ERC2: variants seen among roughly 807,000 people sequenced by gnomAD.
The protein encoded by ERC2 is ELKS/RAB6-interacting/CAST family member 2.
In ERC2, 42 loss-of-function variants were observed where a neutral mutation model predicts 114.8. The ratio of observed to expected loss-of-function variants is 0.37; its 90% CI spans 0.29 to 0.47. The LOEUF is 0.47. Among genes scored for constraint, ERC2 ranks in the 20% least tolerant of loss-of-function variants. The probability of loss-of-function intolerance (pLI) is 0.99; values close to 1 mark genes in which losing one functional copy is unlikely to be tolerated. For missense variants in ERC2, 939 were observed against 1,150.7 expected, an observed-to-expected ratio of 0.82 and a Z score of 2.66; for synonymous variants, 454 against 425.5, an observed-to-expected ratio of 1.07 and a Z score of -0.82.
intron 2 of ERC2, among the ~76,000 whole-genome samples, chr3:56,417,840 A>G (rs1285524013): frequency 6.6e-5 from 10 of 152,236 alleles, no homozygotes; most frequent in Non-Finnish European, 1.2e-4. Flanking sequence ...GGCAAAAACT[A>G]GGGCTACTAG....
At chr3:55,768,791 C>G (rs1362920856) in intron 14 of ERC2, among the ~76,000 whole-genome samples, 2 of 152,110 alleles carry the variant, frequency 1.3e-5, no homozygotes, top group Non-Finnish European at 2.9e-5. Context: ...GAGTAGGCAG[C>G]GGGCAGCAGC....
chr3:55,603,123 C>A (rs997655617), intron 17 of ERC2, among the ~76,000 whole-genome samples: 1 of 152,198 alleles, frequency 6.6e-6, no homozygotes, highest in Non-Finnish European at 1.5e-5. Context: ...CCTTAAGAAG[C>A]ATTTCCCCCT....
intron 13 of ERC2, among the ~76,000 whole-genome samples, chr3:55,921,700 A>G (rs1485925263): frequency 6.6e-6 from 1 of 152,160 alleles, no homozygotes; most frequent in Non-Finnish European, 1.5e-5. Context: ...TTTTGTATTA[A>G]TAGGAGATTT....
intron 17 of ERC2, among the ~76,000 whole-genome samples, chr3:55,524,828 G>C (rs953001709): frequency 1.3e-5 from 2 of 152,150 alleles, no homozygotes; most frequent in African/African-American, 4.8e-5. Context: ...TTCTTCAGTG[G>C]GCTGAGGTGT....
intron 13 of ERC2, among the ~76,000 whole-genome samples, chr3:55,920,857 A>C (rs2065385345): frequency 6.6e-6 from 1 of 152,094 alleles, no homozygotes; most frequent in Non-Finnish European, 1.5e-5. Context: ...TGTTTTTCCT[A>C]CCAACCCTAT....
intron 14 of ERC2, among the ~76,000 whole-genome samples, chr3:55,827,835 T>C (rs9828807): frequency 0.36 from 54,335 of 152,004 alleles, 12,061 homozygotes; most frequent in African/African-American, 0.63. Flanking sequence ...AAACCAGACA[T>C]AGAAAAGTAC....
At chr3:55,614,131 C>T (rs945483147) in intron 17 of ERC2, among the ~76,000 whole-genome samples, 3 of 151,816 alleles carry the variant, frequency 2.0e-5, no homozygotes, top group African/African-American at 7.3e-5. Flanking sequence ...ACTCTGTTTT[C>T]ACAAGTTATA....
chr3:55,653,392 A>G (rs2060721624), intron 17 of ERC2, among the ~76,000 whole-genome samples: 1 of 152,206 alleles, frequency 6.6e-6, no homozygotes, highest in South Asian at 2.1e-4. Context: ...GGCAATTTGG[A>G]AAGCAATCTG....
At chr3:55,728,504 G>A (rs2065056511) in intron 15 of ERC2, among the ~76,000 whole-genome samples, 1 of 152,180 alleles carries the variant, frequency 6.6e-6, no homozygotes, top group South Asian at 2.1e-4. Context: ...GCAAAGGGAA[G>A]GGTACATGCA....
In ERC2 at chr3:56,122,355, C is replaced by T. The variant is rs115598436; in HGVS notation, c.1473+17154G>A. ...TTAAATAATCTGAAGAATACACTCC[C>T]CAATGATAATGGTGGTGGCCCCTGG... is the stretch of plus-strand genomic sequence containing the variant. On this transcript the variant is annotated intron_variant, in intron 6 of 17. Transcript: ENST00000288221. 9.3e-3 allele frequency among the ~76,000 whole-genome samples: 1,423 copies of T among 152,208 alleles called. 14 individuals are homozygous for T. Among genetic ancestry groups the T allele is most frequent in the Non-Finnish European group, 0.014 (975 of 68,008 alleles).
chr3:55,734,178 C>T (rs2065476999), intron 15 of ERC2, among the ~76,000 whole-genome samples: 1 of 152,122 alleles, frequency 6.6e-6, no homozygotes, highest in Admixed American at 6.5e-5. Context: ...GGGGTGAAAA[C>T]ACAGGATAAC....
chr3:56,192,565 TAA>T (rs72090991), intron 3 of ERC2, among the ~76,000 whole-genome samples: 4,327 of 152,266 alleles, frequency 0.028, 69 homozygotes, highest in Middle Eastern at 0.054. Context: ...AAATTTTACT[TAA>T]GTCACAGGGT....
chr3:56,361,093 G>A (rs532208712), intron 2 of ERC2, among the ~76,000 whole-genome samples: 25 of 152,286 alleles, frequency 1.6e-4, no homozygotes, highest in African/African-American at 5.3e-4. Context: ...CCGGGCTGAA[G>A]AGAAAGACCA....
intron 1 of ERC2, among the ~76,000 whole-genome samples, chr3:56,455,892 C>A (rs1173865688): frequency 1.3e-5 from 2 of 152,166 alleles, no homozygotes; most frequent in East Asian, 3.9e-4. Context: ...TTGTATCCAG[C>A]TCAATCTTTT....
intron 14 of ERC2, among the ~76,000 whole-genome samples, chr3:55,833,818 C>A (rs531945620): frequency 1.3e-5 from 2 of 152,094 alleles, no homozygotes; most frequent in Admixed American, 6.6e-5. Context: ...GACTGGCAAA[C>A]TGGATAAAGA....
intron 6 of ERC2, among the ~76,000 whole-genome samples, chr3:56,118,052 C>A (rs959084481): frequency 6.6e-6 from 1 of 152,170 alleles, no homozygotes; most frequent in Non-Finnish European, 1.5e-5. Flanking sequence ...CTCTATGACC[C>A]AATGGCCAGA....
chr3:56,450,171 C>T (rs1372662401), intron 1 of ERC2, among the ~76,000 whole-genome samples: 1 of 152,220 alleles, frequency 6.6e-6, no homozygotes, highest in East Asian at 1.9e-4. Flanking sequence ...CCAAAAAGCT[C>T]TATGAAACTC....
chr3:55,922,780 C>T (rs1576209674), intron 13 of ERC2, among the ~76,000 whole-genome samples: 1 of 152,056 alleles, frequency 6.6e-6, no homozygotes, highest in East Asian at 1.9e-4. Context: ...GAATGGACAG[C>T]TCTCAAAAAA....
chr3:56,168,871 A>C (rs1404193516), intron 4 of ERC2, among the ~76,000 whole-genome samples: 1 of 152,332 alleles, frequency 6.6e-6, no homozygotes, highest in East Asian at 1.9e-4. Flanking sequence ...CTGAATGCAA[A>C]ATCATATACT....
Sources: allele counts gnomAD v4.1 joint callset (sites outside exome capture counted in the v4.1 genomes callset), GRCh38; gene constraint gnomAD v4.1.1; transcripts MANE v1.5; gene names NCBI Gene and HGNC (gene_info 2026-07-23, HGNC 2026-07-21).